CENPP: variants seen among roughly 807,000 people sequenced by gnomAD.
CENPP encodes the protein centromere protein P.
In CENPP, 24 loss-of-function variants were observed where a neutral mutation model predicts 35.6. The ratio of observed to expected loss-of-function variants is 0.67; its 90% CI spans 0.49 to 0.95. The LOEUF (loss-of-function observed/expected upper bound fraction) is 0.95, where lower values mean the gene tolerates loss of function less well. Ranked by LOEUF, CENPP falls within the 40% of genes least tolerant of loss-of-function variation. The pLI, the probability that CENPP is intolerant of heterozygous loss-of-function variation, is 0.00. For synonymous variants in CENPP, 120 were observed against 125.5 expected (o/e 0.96, Z 0.29); for missense variants, 332 against 345.3 (o/e 0.96, Z 0.31).
intron 5 of CENPP, among the ~76,000 whole-genome samples, chr9:92,527,762 C>G: frequency 6.6e-6 from 1 of 151,564 alleles, no homozygotes; most frequent in Admixed American, 6.5e-5. Flanking sequence ...TAGTAGAAAC[C>G]TACAATGGTA....
At chr9:92,531,720 T>A (rs998150755) in intron 5 of CENPP, among the ~76,000 whole-genome samples, 1 of 152,200 alleles carries the variant, frequency 6.6e-6, no homozygotes, top group African/African-American at 2.4e-5. Flanking sequence ...CCTAAACATT[T>A]ATCATTTTCC....
chr9:92,416,058 G>GTGTGTGTGTATATATA (rs6151074), intron 5 of CENPP, among the ~76,000 whole-genome samples: 16 of 130,916 alleles, frequency 1.2e-4, no homozygotes, highest in East Asian at 6.5e-4. Context: ...ATATATGTGT[G>GTGTGTGTGTATATATA]TATATATATA....
At chr9:92,509,837 C>T (rs988112308) in intron 5 of CENPP, 3 of 1,488,340 alleles carry the variant, frequency 2.0e-6, no homozygotes, top group Non-Finnish European at 2.7e-6. Context: ...AATAAAATTT[C>T]TACAGGACTA....
intron 5 of CENPP, among the ~76,000 whole-genome samples, chr9:92,468,528 T>A (rs1388894970): frequency 6.6e-5 from 10 of 152,218 alleles, no homozygotes; most frequent in Non-Finnish European, 1.5e-4. Flanking sequence ...GCTCTGACTG[T>A]ATCATCCTTT....
intron 5 of CENPP, among the ~76,000 whole-genome samples, chr9:92,513,476 C>A (rs1318070394): frequency 1.3e-5 from 2 of 152,138 alleles, no homozygotes; most frequent in African/African-American, 4.8e-5. Flanking sequence ...ACACTTAGGT[C>A]CACACAAACA....
intron 5 of CENPP, among the ~76,000 whole-genome samples, chr9:92,429,159 C>G (rs1255186265): frequency 6.6e-6 from 1 of 152,138 alleles, no homozygotes; most frequent in East Asian, 1.9e-4. Flanking sequence ...AATGAATGCA[C>G]AGTACCCTCC....
At chr9:92,462,549 T>G (rs1845153517) in intron 5 of CENPP, among the ~76,000 whole-genome samples, 2 of 152,222 alleles carry the variant, frequency 1.3e-5, no homozygotes, top group Non-Finnish European at 2.9e-5. Context: ...TTTTCAAGTC[T>G]TGATGAAATA....
At chr9:92,475,922 T>A (rs111396526) in intron 5 of CENPP, among the ~76,000 whole-genome samples, 6,243 of 152,340 alleles carry the variant, frequency 0.041, 162 homozygotes, top group Middle Eastern at 0.075. Context: ...ATGAGAACCT[T>A]CAGAGCATAG....
At chr9:92,600,543 T>A (rs772415654) in intron 5 of CENPP, 1 of 1,612,568 alleles carries the variant, frequency 6.2e-7, no homozygotes, top group African/African-American at 1.3e-5. Flanking sequence ...CCACTGGGGC[T>A]GGGGCACATG....
chr9:92,545,820 C>T (rs1459574680), intron 5 of CENPP, among the ~76,000 whole-genome samples: 2 of 152,186 alleles, frequency 1.3e-5, no homozygotes, highest in Non-Finnish European at 1.5e-5. Flanking sequence ...TGTAAATGCA[C>T]CAATCAGCAC....
At chr9:92,415,561 G>T (rs1019578450) in intron 5 of CENPP, 3 of 630,108 alleles carry the variant, frequency 4.8e-6, no homozygotes, top group African/African-American at 1.9e-5. Context: ...ATTTTATATT[G>T]TATGGGATAT....
intron 5 of CENPP, chr9:92,415,510 TTATAG>T (rs770107644): frequency 6.7e-4 from 861 of 1,290,152 alleles, no homozygotes; most frequent in Non-Finnish European, 8.3e-4. Context: ...TAATCTTGTA[TTATAG>T]TATAATCCAT....
intron 5 of CENPP, among the ~76,000 whole-genome samples, chr9:92,560,460 G>A (rs1299411147): frequency 6.6e-6 from 1 of 152,128 alleles, no homozygotes; most frequent in Admixed American, 6.5e-5. Context: ...GTCTTAATTA[G>A]ACTAAACTAT....
At chr9:92,486,672 C>A (rs1012568943) in intron 5 of CENPP, among the ~76,000 whole-genome samples, 3 of 152,004 alleles carry the variant, frequency 2.0e-5, no homozygotes, top group Non-Finnish European at 2.9e-5. Context: ...CTTGAAGTTT[C>A]TAGTTCTGAA....
Position 92,500,632 on chromosome 9 carries a change from C to G in CENPP, c.565-110682C>G, listed in dbSNP as rs547635851. The G allele has an allele frequency of 2.4e-5, 31 of 1,300,788 alleles. No homozygotes were observed. The South Asian group carries it at 4.4e-4, about 18-fold the overall frequency. 80.6% of individuals were successfully genotyped at this position (1,300,788 alleles called of 1,614,324 possible). A position where few individuals can be genotyped will look rare whatever the true frequency, so the allele number is the denominator to read the frequency against. On this transcript the variant is annotated intron_variant, in intron 5 of 7. Coordinates refer to ENST00000375587, the MANE Select transcript of CENPP (RefSeq NM_001012267.3). ...AACCCCTTAGCACCATTTTTTTTTCCCTTAACGTAAATCCCAGAGATCATG... is the reference window on the plus strand; with the variant it reads ...AACCCCTTAGCACCATTTTTTTTTCGCTTAACGTAAATCCCAGAGATCATG...
chr9:92,330,806 AG>A (rs1274486103), intron 1 of CENPP, among the ~76,000 whole-genome samples: 1 of 150,560 alleles, frequency 6.6e-6, no homozygotes, highest in Non-Finnish European at 1.5e-5. Context: ...CTCCTGCCTC[AG>A]CCTCCTGGGT....
At chr9:92,576,686 A>G (rs938005670) in intron 5 of CENPP, among the ~76,000 whole-genome samples, 8 of 152,286 alleles carry the variant, frequency 5.3e-5, no homozygotes, top group East Asian at 1.9e-4. Flanking sequence ...TTTAAATCAT[A>G]ATGCATTACA....
intron 5 of CENPP, among the ~76,000 whole-genome samples, chr9:92,605,874 A>G (rs2131392825): frequency 6.6e-6 from 1 of 152,364 alleles, no homozygotes; most frequent in African/African-American, 2.4e-5. Flanking sequence ...ACAGACCGAG[A>G]GAATATTTTT....
Position 92,615,055 on chromosome 9 carries a change from T to G in CENPP, c.*1906T>G, listed in dbSNP as rs1224787244. 1 of 152,216 alleles carries G rather than the reference T, an allele frequency of 6.6e-6. No homozygotes were observed. 9.4% of individuals were successfully genotyped at this position (152,216 alleles called of 1,614,324 possible). ...CACTGCCCAGCCCGGCCACAGCAGC[T>G]CAGCCAGTCACAGCTCCACCTCCAA... On this transcript the variant is annotated 3_prime_UTR_variant, in exon 8 of 8. Transcript: ENST00000375587.
Sources: allele counts gnomAD v4.1 joint callset (sites outside exome capture counted in the v4.1 genomes callset), GRCh38; gene constraint gnomAD v4.1.1; transcripts MANE v1.5; gene names NCBI Gene and HGNC (gene_info 2026-07-23, HGNC 2026-07-21).